Variants in CYP2W1 observed in about 807,000 individuals in gnomAD.
CYP2W1 encodes cytochrome P450 2W1.
CYP2W1 carries 51 observed loss-of-function variants against 44.9 expected under a neutral mutation model. That is an observed-to-expected ratio of 1.14 (90% CI 0.91 to 1.43). The LOEUF (loss-of-function observed/expected upper bound fraction) is 1.43, where lower values mean the gene tolerates loss of function less well. Ranked by LOEUF, CYP2W1 falls within the 40% of genes most tolerant of loss-of-function variation. The pLI is 0.00. For missense variants in CYP2W1, 746 were observed against 700.0 expected, an observed-to-expected ratio of 1.07 and a Z score of -0.74; for synonymous variants, 383 against 338.3, an observed-to-expected ratio of 1.13 and a Z score of -1.45.
At position 988,616 on chromosome 7, in the gene CYP2W1, G is replaced by T. The variant is rs778660951; in HGVS notation, c.1286-19G>T. ...GCAGGCCTGGTGCAGCCCACTCTGT[G>T]CCTGGACATCCCCCGCAGGCCGCCG... On this transcript the variant is annotated intron_variant, in intron 8 of 8. Transcript: ENST00000308919. 5 of 1,604,074 alleles carry T rather than the reference G, an allele frequency of 3.1e-6. No homozygotes were observed. The South Asian group carries it at 5.5e-5, about 18-fold the overall frequency.
chr7:983,822 G>A (rs557527789), intron 1 of CYP2W1, among the ~76,000 whole-genome samples: 161 of 152,314 alleles, frequency 1.1e-3, no homozygotes, highest in African/African-American at 3.6e-3. Context: ...GAAATGGGAA[G>A]AGGACCTGTG....
chr7:985,054 C>T lies in CYP2W1; in HGVS notation c.442C>T (p.Leu148=), dbSNP rs375975537. The T allele has an allele frequency of 3.7e-6, 6 of 1,612,556 alleles. No individual in the cohort carries two copies. The highest frequency in any genetic ancestry group is 5.1e-6 in the Non-Finnish European group (6 of 1,179,844). The change falls in exon 3 of 9, where the codon CTG becomes TTG. Residue 148 remains leucine, a synonymous_variant. Transcript: ENST00000308919. ...CCGGGAGCCGGTGGCTGACAAGATT[C>T]TGCAGGAGCTGAAATGCCTCTCTGG... is the stretch of plus-strand genomic sequence containing the variant. The part of the protein sequence containing the change: ...VGREPVADKI[L]QELKCLSGQL...
At position 985,080 on chromosome 7, in the gene CYP2W1, GC is replaced by G. The variant is rs762376903; in HGVS notation, c.469del (p.Gln157SerfsTer88). The G allele has an allele frequency of 6.2e-7, 1 of 1,612,346 alleles. No individual in the cohort carries two copies. Among genetic ancestry groups the G allele is most frequent in the Non-Finnish European group, 8.5e-7 (1 of 1,179,734 alleles). On this transcript the variant is annotated frameshift_variant, in exon 3 of 9. Transcript: ENST00000308919. LOFTEE classifies it high-confidence loss of function. ...ILQELKCLSGQLDGYRGRPFP... is the reference protein window; with the variant it reads ...ILQELKCLSGXLDGYRGRPFP... ...TGCAGGAGCTGAAATGCCTCTCTGG[GC>G]AGCTGGATGGCTACAGAGGTGAGCA...
At chr7:986,885 G>C in intron 5 of CYP2W1, 88 bp downstream of exon 5, 1 of 1,385,078 alleles carries the variant, frequency 7.2e-7, no homozygotes, top group Non-Finnish European at 9.5e-7. Flanking sequence ...GGTCCATACC[G>C]GTCCTGCACC....
intron 1 of CYP2W1, 69 bp from the exon 2 acceptor site, chr7:984,343 G>A (rs1001700850): frequency 4.9e-5 from 73 of 1,482,942 alleles, no homozygotes; most frequent in Middle Eastern, 1.7e-4. Flanking sequence ...GCACAGGCCC[G>A]GCCTGAGGGG....
intron 7 of CYP2W1, 70 bp from the exon 8 acceptor site, chr7:988,207 A>T (rs1848539994): frequency 6.7e-7 from 1 of 1,493,126 alleles, no homozygotes; most frequent in Admixed American, 2.2e-5. Flanking sequence ...CCTGGAATGA[A>T]ACTTCCCAAC....
In CYP2W1 at chr7:989,128, C is replaced by T; in HGVS notation, c.*306C>T. On this transcript the variant is annotated 3_prime_UTR_variant, in exon 9 of 9. Transcript: ENST00000308919. ...AGCTGCACTCCCACCCACCTAGCTC[C>T]CCCCAGGGCCCCCCAGCACCTACAG... 1 of 390,590 alleles carries T rather than the reference C, an allele frequency of 2.6e-6. No homozygotes were observed. The highest frequency in any genetic ancestry group is 4.6e-6 in the Non-Finnish European group (1 of 217,442). 24.2% of individuals were successfully genotyped at this position (390,590 alleles called of 1,614,324 possible). A position where few individuals can be genotyped will look rare whatever the true frequency, so the allele number is the denominator to read the frequency against.
intron 4 of CYP2W1, 177 bp from the exon 5 acceptor site, chr7:986,447 C>T (rs1848351095): frequency 2.9e-6 from 2 of 688,458 alleles, no homozygotes; most frequent in South Asian, 3.8e-5. Flanking sequence ...CAGGGGGTTT[C>T]CTGGCAGTTC....
At position 985,164 on chromosome 7, in the gene CYP2W1, A is replaced by G. The variant is rs1848234342; in HGVS notation, c.488-2A>G. Reference sequence around the variant, plus strand: ...CGTGCCTGAGGCCCGTCTCCCTCGCAGGCCGGCCCTTCCCGCTGGCCCTAC... The same window carrying G: ...CGTGCCTGAGGCCCGTCTCCCTCGCGGGCCGGCCCTTCCCGCTGGCCCTAC... On this transcript the variant is annotated splice_acceptor_variant, in intron 3 of 8. Coordinates refer to ENST00000308919, the MANE Select transcript of CYP2W1 (RefSeq NM_017781.3). LOFTEE classifies it high-confidence loss of function. The G allele has an allele frequency of 1.9e-6, 3 of 1,586,116 alleles. No individual in the cohort carries two copies. Among genetic ancestry groups the G allele is most frequent in the Non-Finnish European group, 2.6e-6 (3 of 1,166,910 alleles).
rs1848610866 is a variant in CYP2W1, at chr7:988,899, C to CCA, written c.*80_*81dup. ...TCCTCCCACCCTCTCTCCTCCCACC[C>CCA]CACAGCTCGGACTGCTCTGGGAGGG... On this transcript the variant is annotated 3_prime_UTR_variant, in exon 9 of 9. Transcript: ENST00000308919. The CCA allele has an allele frequency of 7.4e-6, 7 of 946,346 alleles. No individual in the cohort carries two copies. Among genetic ancestry groups the CCA allele is most frequent in the Admixed American group, 2.6e-5 (1 of 38,380 alleles). The allele number at this position is 946,346 out of a possible 1,614,324, so 58.6% of individuals were successfully genotyped here.
intron 4 of CYP2W1, among the ~76,000 whole-genome samples, chr7:985,652 CCTGA>C (rs1848284383): frequency 6.6e-6 from 1 of 152,198 alleles, no homozygotes; most frequent in Non-Finnish European, 1.5e-5. Context: ...CCCCCCAAGC[CCTGA>C]CAGTCCAGGC....
chr7:984,605 C>T lies in CYP2W1; in HGVS notation c.337+31C>T, dbSNP rs760602189. The T allele has an allele frequency of 1.6e-5, 25 of 1,546,772 alleles. 1 individual carries two copies. The highest frequency in any genetic ancestry group is 2.4e-5 in the South Asian group (2 of 84,766). On this transcript the variant is annotated intron_variant, in intron 2 of 8. Coordinates refer to ENST00000308919, the MANE Select transcript of CYP2W1 (RefSeq NM_017781.3). ...TGTGTGGCCGGCGCTACGGGGCCTA[C>T]TGGGTGTGGGGGCACCTGGACCCCA...
In CYP2W1 at chr7:983,190, G is replaced by A. The variant is rs771722337; in HGVS notation, c.-22G>A. On this transcript the variant is annotated 5_prime_UTR_variant, in exon 1 of 9. Transcript: ENST00000308919. Reference sequence around the variant, plus strand: ...GGGGACGGGGCCCAGGAGGGGAGTGGAGCCTCACCAGCCACGTCCTCATGG... The same window carrying A: ...GGGGACGGGGCCCAGGAGGGGAGTGAAGCCTCACCAGCCACGTCCTCATGG... The A allele has an allele frequency of 1.4e-6, 2 of 1,467,130 alleles. No individual in the cohort carries two copies. Among genetic ancestry groups the A allele is most frequent in the Admixed American group, 4.6e-5 (2 of 43,848 alleles). 90.9% of individuals were successfully genotyped at this position (1,467,130 alleles called of 1,614,324 possible).
In CYP2W1 at chr7:983,342, T is replaced by C. The variant is rs1006366537; in HGVS notation, c.131T>C (p.Leu44Pro). The C allele has an allele frequency of 2.6e-6, 4 of 1,537,826 alleles. No individual in the cohort carries two copies. The East Asian group carries it at 7.4e-5, about 28-fold the overall frequency. The change falls in exon 1 of 9, where the codon CTG becomes CCG. Residue 44 changes from leucine (L) to proline (P), a missense_variant. By Grantham distance (98) the Leu-to-Pro change is moderately conservative. Transcript: ENST00000308919. ...GPRPLPLVGN[L>P]HLLRLSQQDR... ...CGCCCGCTGCCGCTCGTCGGGAACC[T>C]GCACTTGCTGCGTCTGTCGCAACAG... is the stretch of plus-strand genomic sequence containing the variant.
chr7:988,292 C>T lies in CYP2W1; in HGVS notation c.1159C>T (p.Pro387Ser). ...GCCCCCACAGGGCACGCCCGTGATT[C>T]CCCTGCTGACCTCGGTGCTCCTGGA... ...FLLPKGTPVI[P>S]LLTSVLLDET... The change falls in exon 8 of 9, where the codon CCC (proline) becomes TCC (serine). Residue 387 changes from proline (P) to serine (S), a missense_variant. Pro to Ser is a moderately conservative substitution (Grantham distance 74). Coordinates refer to ENST00000308919, the MANE Select transcript of CYP2W1 (RefSeq NM_017781.3). 4 of 1,597,896 alleles carry T rather than the reference C, an allele frequency of 2.5e-6. No individual in the cohort carries two copies. Among genetic ancestry groups the T allele is most frequent in the Non-Finnish European group, 3.4e-6 (4 of 1,169,370 alleles).
chr7:984,725 C>A, intron 2 of CYP2W1, 151 bp downstream of exon 2: 1 of 1,239,440 alleles, frequency 8.1e-7, no homozygotes, highest in Non-Finnish European at 1.1e-6. Flanking sequence ...CTGAGAAGGG[C>A]CAGGTGTCCA....
chr7:985,624 C>T (rs112398326), intron 4 of CYP2W1, among the ~76,000 whole-genome samples: 13 of 152,144 alleles, frequency 8.5e-5, no homozygotes, highest in African/African-American at 2.9e-4. Flanking sequence ...CCCAGAATTG[C>T]GGGGGGCTCC....
rs1430815022 is a variant in CYP2W1, at chr7:988,953, C to A, written c.*131C>A. 1 of 623,908 alleles carries A rather than the reference C, an allele frequency of 1.6e-6. No individual in the cohort carries two copies. Among genetic ancestry groups the A allele is most frequent in the Non-Finnish European group, 2.8e-6 (1 of 361,776 alleles). The allele number at this position is 623,908 out of a possible 1,614,324, so 38.6% of individuals were successfully genotyped here. On this transcript the variant is annotated 3_prime_UTR_variant, in exon 9 of 9. Coordinates refer to ENST00000308919, the MANE Select transcript of CYP2W1 (RefSeq NM_017781.3). ...TGAGGACTCCCACCCTCACCCCCAC[C>A]CCCACAGGGTCAGCAACTGCTTCCG...
rs1031844025 is a variant in CYP2W1, at chr7:987,510, G to C, written c.1122G>C (p.Leu374=). The C allele has an allele frequency of 4.6e-6, 7 of 1,535,328 alleles. No homozygotes were observed. In the Middle Eastern group the frequency reaches 1.0e-3, roughly 224 times the overall value. ...GCTGCACCGCGGCCGACACACAGCT[G>C]GGCGGCTTCCTGCTCCCCAAGGTGG... ...VPRCTAADTQ[L]GGFLLPKGTP... is the part of the protein sequence containing the mutation. Residue 374 remains leucine, a synonymous_variant, in exon 7 of 9, where the codon CTG becomes CTC. Transcript: ENST00000308919.
Sources: gnomAD v4.1 joint callset for allele counts (sites outside exome capture counted in the v4.1 genomes callset) on GRCh38, gnomAD v4.1.1 for gene constraint, MANE v1.5 for transcripts, NCBI Gene and HGNC (gene_info 2026-07-23, HGNC 2026-07-21) for gene names.